SULF1: variants seen among roughly 807,000 people sequenced by gnomAD.
The protein encoded by SULF1 is sulfatase 1.
A neutral mutation model predicts 110.5 loss-of-function variants in SULF1; 46 were observed. The observed-to-expected ratio is 0.42, with a 90% confidence interval of 0.33 to 0.53. The LOEUF (loss-of-function observed/expected upper bound fraction) is 0.53. Ranked by LOEUF, SULF1 falls within the 20% of genes least tolerant of loss-of-function variation. SULF1 has a pLI of 0.12. For missense variants in SULF1, 941 were observed against 1,094.2 expected (o/e 0.86, Z 1.98); for synonymous variants, 371 against 387.1 (o/e 0.96, Z 0.49).
In SULF1 at chr8:69,560,333, G is replaced by A. The variant is rs1247797712; in HGVS notation, c.-133-3206G>A. Among the ~76,000 whole-genome samples the A allele has an allele frequency of 3.5e-5, 4 of 115,530 alleles. No individual in the cohort carries two copies. The East Asian group carries it at 9.7e-4, about 28-fold the overall frequency. 75.8% of individuals were successfully genotyped at this position (115,530 alleles called of 152,430 possible). ...TCCTATCCAGTTGGCTGGACATCCTGCCAGTCTTTTTTTTTTTTCTTTTAC... is the reference window on the plus strand; with the variant it reads ...TCCTATCCAGTTGGCTGGACATCCTACCAGTCTTTTTTTTTTTTCTTTTAC... On this transcript the variant is annotated intron_variant, in intron 3 of 22. Transcript: ENST00000402687.
intron 3 of SULF1, among the ~76,000 whole-genome samples, chr8:69,549,347 A>C (rs1417834453): frequency 6.6e-6 from 1 of 152,224 alleles, no homozygotes; most frequent in Non-Finnish European, 1.5e-5. Context: ...AGTTCAAGTA[A>C]GGCAGCATGG....
chr8:69,583,568 C>A (rs754966779), intron 6 of SULF1, among the ~76,000 whole-genome samples: 2 of 152,014 alleles, frequency 1.3e-5, no homozygotes, highest in Non-Finnish European at 2.9e-5. Flanking sequence ...GGTAAGACTC[C>A]ATCTCAAAAA....
intron 6 of SULF1, among the ~76,000 whole-genome samples, chr8:69,579,276 G>A (rs566846942): frequency 2.6e-5 from 4 of 151,744 alleles, no homozygotes; most frequent in African/African-American, 7.2e-5. Context: ...AATTGGGGCC[G>A]GGTGCAGTGG....
intron 14 of SULF1, among the ~76,000 whole-genome samples, chr8:69,621,765 G>T (rs997794540): frequency 2.6e-5 from 4 of 152,150 alleles, no homozygotes; most frequent in African/African-American, 9.7e-5. Flanking sequence ...CTCGTTGATT[G>T]GCAGGGACAA....
At chr8:69,634,413 A>G (rs1394576376) in intron 19 of SULF1, among the ~76,000 whole-genome samples, 1 of 152,228 alleles carries the variant, frequency 6.6e-6, no homozygotes, top group Non-Finnish European at 1.5e-5. Flanking sequence ...TAAAGGGTGC[A>G]CATCTATTAC....
At chr8:69,504,010 G>A (rs977235442) in intron 3 of SULF1, among the ~76,000 whole-genome samples, 1 of 151,988 alleles carries the variant, frequency 6.6e-6, no homozygotes, top group Admixed American at 6.6e-5. Context: ...ATGTTGGCCA[G>A]GATGGTCTCG....
At chr8:69,485,474 C>T (rs1053087117) in intron 1 of SULF1, among the ~76,000 whole-genome samples, 2 of 152,232 alleles carry the variant, frequency 1.3e-5, no homozygotes, top group Admixed American at 1.3e-4. Context: ...CCTGTTGTCA[C>T]TCCCTTGGCT....
At chr8:69,553,203 A>G (rs1814854398) in intron 3 of SULF1, among the ~76,000 whole-genome samples, 1 of 152,262 alleles carries the variant, frequency 6.6e-6, no homozygotes, top group Non-Finnish European at 1.5e-5. Context: ...GATGGCCTGC[A>G]TGCCAGAGCA....
At chr8:69,485,184 T>G (rs1809655401) in intron 1 of SULF1, among the ~76,000 whole-genome samples, 1 of 152,184 alleles carries the variant, frequency 6.6e-6, no homozygotes, top group Non-Finnish European at 1.5e-5. Flanking sequence ...AAATTTCCCA[T>G]AATATTTATT....
At chr8:69,640,073 A>G (rs971309793) in intron 21 of SULF1, among the ~76,000 whole-genome samples, 2 of 151,118 alleles carry the variant, frequency 1.3e-5, no homozygotes, top group Non-Finnish European at 1.5e-5. Context: ...TTACAAAAAA[A>G]AGAGAGAGAG....
Position 69,658,992 on chromosome 8 carries a change from A to G in SULF1, c.*457A>G. The G allele has an allele frequency of 2.2e-6, 1 of 457,560 alleles. No homozygotes were observed. Among genetic ancestry groups the G allele is most frequent in the South Asian group, 1.5e-5 (1 of 64,580 alleles). 28.3% of individuals were successfully genotyped at this position (457,560 alleles called of 1,614,324 possible). A position where few individuals can be genotyped will look rare whatever the true frequency, so the allele number is the denominator to read the frequency against. On this transcript the variant is annotated 3_prime_UTR_variant, in exon 23 of 23. Transcript: ENST00000402687. ...AAACCGAAAAATGGACGGGGCATGAAGAGACTAATCATCTGGAAACCGATT... is the reference window on the plus strand; with the variant it reads ...AAACCGAAAAATGGACGGGGCATGAGGAGACTAATCATCTGGAAACCGATT...
intron 1 of SULF1, among the ~76,000 whole-genome samples, chr8:69,485,774 T>C (rs1305833125): frequency 1.3e-5 from 2 of 152,220 alleles, no homozygotes; most frequent in African/African-American, 4.8e-5. Flanking sequence ...ACATTTGTAA[T>C]CTATGCCTCT....
chr8:69,624,100 A>G lies in SULF1; in HGVS notation c.1753A>G (p.Arg585Gly). 1 of 1,614,110 alleles carries G rather than the reference A, an allele frequency of 6.2e-7. No homozygotes were observed. Among genetic ancestry groups the G allele is most frequent in the Non-Finnish European group, 8.5e-7 (1 of 1,180,002 alleles). ...TCATGATGAAGGCCACAAGGGGCCA[A>G]GAGATCTCCAGGCTTCCAGTGGTGG... ...KRHDEGHKGP[R>G]DLQASSGGNR... is the part of the protein sequence containing the mutation. The change falls in exon 15 of 23, where the codon AGA (arginine) becomes GGA (glycine). Residue 585 changes from arginine (R) to glycine (G), a missense_variant. Transcript: ENST00000402687.
intron 13 of SULF1, among the ~76,000 whole-genome samples, chr8:69,613,971 A>T (rs545710210): frequency 0.023 from 3,371 of 149,786 alleles, 126 homozygotes; most frequent in African/African-American, 0.08. Flanking sequence ...AAAAAAAAAA[A>T]ATAATAAAAT....
intron 3 of SULF1, among the ~76,000 whole-genome samples, chr8:69,553,688 T>A (rs1184119411): frequency 6.6e-6 from 1 of 152,234 alleles, no homozygotes; most frequent in Non-Finnish European, 1.5e-5. Context: ...GTTTGGCTAA[T>A]CCACCCATCA....
At chr8:69,477,147 T>A (rs943025480) in intron 1 of SULF1, among the ~76,000 whole-genome samples, 3 of 152,220 alleles carry the variant, frequency 2.0e-5, no homozygotes, top group Non-Finnish European at 4.4e-5. Flanking sequence ...AGTTTGGTCC[T>A]TCTAAGAAGA....
At chr8:69,577,849 A>G (rs922662817) in intron 6 of SULF1, among the ~76,000 whole-genome samples, 1 of 152,086 alleles carries the variant, frequency 6.6e-6, no homozygotes, top group African/African-American at 2.4e-5. Context: ...AGCACATCTG[A>G]CTCCAAAGTC....
intron 22 of SULF1, chr8:69,642,533 C>T (rs1456670205): frequency 5.8e-6 from 2 of 347,406 alleles, no homozygotes; most frequent in Non-Finnish European, 8.1e-6. Context: ...CTGGTCTCCC[C>T]TGGGTATGGG....
intron 7 of SULF1, 21 bp downstream of exon 7, chr8:69,586,529 C>T: frequency 6.2e-7 from 1 of 1,603,178 alleles, no homozygotes; most frequent in Non-Finnish European, 8.5e-7. Flanking sequence ...GGCACTTTTA[C>T]ACTGCATCAA....
Sources: gnomAD v4.1 joint callset for allele counts (sites outside exome capture counted in the v4.1 genomes callset) on GRCh38, gnomAD v4.1.1 for gene constraint, MANE v1.5 for transcripts, NCBI Gene and HGNC (gene_info 2026-07-23, HGNC 2026-07-21) for gene names.